Variants in LAX1 observed in about 807,000 individuals in gnomAD.
The protein encoded by LAX1 is lymphocyte transmembrane adaptor 1.
Under a neutral mutation model 20.7 loss-of-function variants are expected in LAX1, and 17 were observed. The observed-to-expected ratio is 0.82, with a 90% CI of 0.56 to 1.23. The LOEUF (loss-of-function observed/expected upper bound fraction) is 1.23. LAX1 is among the 50% of genes most tolerant of loss of function. The pLI, the probability that LAX1 is intolerant of heterozygous loss-of-function variation, is 0.00. For missense variants in LAX1, 470 were observed against 487.0 expected (o/e 0.97, Z 0.33); for synonymous variants, 165 against 181.0 (o/e 0.91, Z 0.71).
In LAX1 at chr1:203,772,198, C is replaced by T. The variant is rs3737974; in HGVS notation, c.390+51C>T. On this transcript the variant is annotated intron_variant, in intron 4 of 4. Coordinates refer to ENST00000442561, the MANE Select transcript of LAX1 (RefSeq NM_017773.4). ...TGACATGTCTCTGGCAGAAGAACTG[C>T]GGGGAAAGAGTTATAGGGCTTAGAT... is the stretch of plus-strand genomic sequence containing the variant. The T allele has an allele frequency of 5.2e-4, 723 of 1,398,030 alleles. 7 individuals carry two copies. In the East Asian group the frequency reaches 0.012, roughly 23 times the overall value. 86.6% of individuals were successfully genotyped at this position (1,398,030 alleles called of 1,614,324 possible).
Position 203,774,000 on chromosome 1 carries a change from C to T in LAX1, c.516C>T (p.His172=). 1.9e-6 allele frequency: 3 copies of T among 1,614,098 alleles called. No homozygotes were observed. The highest frequency in any genetic ancestry group is 2.5e-6 in the Non-Finnish European group (3 of 1,180,022). The change falls in exon 5 of 5, where the codon CAC becomes CAT. Residue 172 remains histidine (H), a synonymous_variant. Transcript: ENST00000442561. ...QMCGNLTPSA[H]CINVRASRDC... ...GTGGGAACCTCACTCCCTCGGCACA[C>T]TGCATCAATGTCAGAGCTTCCAGAG...
chr1:203,774,828 C>T lies in LAX1; in HGVS notation c.*147C>T, dbSNP rs1667485415. ...AAAAGAGGCTGAGATGAGCAGTGAA[C>T]TAAGAGGCCACACAAAAGCAGAGGT... On this transcript the variant is annotated 3_prime_UTR_variant, in exon 5 of 5. Coordinates refer to ENST00000442561, the MANE Select transcript of LAX1 (RefSeq NM_017773.4). The T allele has an allele frequency of 1.7e-5, 11 of 657,474 alleles. No individual in the cohort carries two copies. In the South Asian group the frequency reaches 2.2e-4, roughly 13 times the overall value. 40.7% of individuals were successfully genotyped at this position (657,474 alleles called of 1,614,324 possible).
At chr1:203,772,017 G>A (rs1667430228) in intron 3 of LAX1, 51 bp from the exon 4 acceptor site, 1 of 1,411,702 alleles carries the variant, frequency 7.1e-7, no homozygotes, top group Non-Finnish European at 1.0e-6. Flanking sequence ...TATTTGGACT[G>A]AAGCACTCAG....
At chr1:203,769,695 A>G (rs1385458711) in intron 1 of LAX1, 1 of 147,172 alleles carries the variant, frequency 6.8e-6, no homozygotes, top group Admixed American at 7.1e-5. Context: ...GGGAATTGCA[A>G]GGTAGCACAG....
Position 203,775,167 on chromosome 1 carries a change from A to C in LAX1, c.*486A>C, listed in dbSNP as rs149045342. 1 of 158,574 alleles carries C rather than the reference A, an allele frequency of 6.3e-6. No homozygotes were observed. The highest frequency in any genetic ancestry group is 2.4e-5 in the African/African-American group (1 of 41,576). 9.8% of individuals were successfully genotyped at this position (158,574 alleles called of 1,614,324 possible). ...GTAATCCCAGCATTTTGGTAGGCCG[A>C]GGAGGGCAGATCACTTGGTGCCAGG... On this transcript the variant is annotated 3_prime_UTR_variant, in exon 5 of 5. Transcript: ENST00000442561.
intron 4 of LAX1, among the ~76,000 whole-genome samples, chr1:203,772,939 G>A (rs1354009166): frequency 6.6e-6 from 1 of 152,168 alleles, no homozygotes; most frequent in Non-Finnish European, 1.5e-5. Flanking sequence ...GCCTCCCAAA[G>A]TGCTGAGATT....
chr1:203,770,509 G>GAA (rs1667397905), intron 1 of LAX1, among the ~76,000 whole-genome samples: 1 of 83,536 alleles, frequency 1.2e-5, no homozygotes, highest in African/African-American at 4.6e-5. Context: ...AAGGAAGGAA[G>GAA]GAAGAAAGAA....
At chr1:203,772,275 C>CAATT in intron 4 of LAX1, 128 bp downstream of exon 4, 1 of 704,570 alleles carries the variant, frequency 1.4e-6, no homozygotes, top group South Asian at 1.7e-5. Context: ...CCCTGCAGTC[C>CAATT]TATTAATAAA....
Position 203,774,098 on chromosome 1 carries a change from C to T in LAX1, c.614C>T (p.Thr205Ile). Residue 205 changes from threonine to isoleucine, a missense_variant, in exon 5 of 5, where the codon ACT becomes ATT. Physicochemically the swap from Thr to Ile is moderately conservative, Grantham distance 89. Transcript: ENST00000442561. ...NVPTAEEIAETLASTKSPSRN... is the reference protein window; with the variant it reads ...NVPTAEEIAEILASTKSPSRN... ...CCCACAGCAGAAGAGATTGCTGAGA[C>T]TCTAGCTTCTACCAAAAGCCCTTCC... 1 of 1,614,156 alleles carries T rather than the reference C, an allele frequency of 6.2e-7. No individual in the cohort carries two copies. Among genetic ancestry groups the T allele is most frequent in the African/African-American group, 1.3e-5 (1 of 75,032 alleles).
chr1:203,772,541 C>T (rs1667439285), intron 4 of LAX1, among the ~76,000 whole-genome samples: 2 of 152,102 alleles, frequency 1.3e-5, no homozygotes, highest in South Asian at 2.1e-4. Context: ...AGTTCACCTG[C>T]CTCAGCCTCC....
chr1:203,771,595 G>C, intron 3 of LAX1, 118 bp downstream of exon 3: 2 of 728,406 alleles, frequency 2.7e-6, no homozygotes, highest in Non-Finnish European at 5.0e-6. Context: ...GCCCTTCAGA[G>C]AGTATCAGGG....
chr1:203,774,137 T>A lies in LAX1; in HGVS notation c.653T>A (p.Val218Asp). 6.2e-7 allele frequency: 1 copy of A among 1,614,210 alleles called. No homozygotes were observed. Among genetic ancestry groups the A allele is most frequent in the Non-Finnish European group, 8.5e-7 (1 of 1,180,042 alleles). ...STKSPSRNLF[V>D]LPSTQKLEFT... is the part of the protein sequence containing the mutation. Reference sequence around the variant, plus strand: ...AAAAGCCCTTCCAGAAATCTCTTTGTTCTTCCCAGTACCCAGAAGCTGGAG... The same window carrying A: ...AAAAGCCCTTCCAGAAATCTCTTTGATCTTCCCAGTACCCAGAAGCTGGAG... The change falls in exon 5 of 5, where the codon GTT becomes GAT. Residue 218 changes from valine (V) to aspartate (D), a missense_variant. Val to Asp is a radical substitution (Grantham distance 152, BLOSUM62 -3). Transcript: ENST00000442561.
At chr1:203,770,062 CT>C (rs1411174690) in intron 1 of LAX1, among the ~76,000 whole-genome samples, 1 of 152,024 alleles carries the variant, frequency 6.6e-6, no homozygotes, top group Non-Finnish European at 1.5e-5. Context: ...GTTACTTTAC[CT>C]TTCTGAGTCT....
In LAX1 at chr1:203,765,194, G is replaced by T; in HGVS notation, c.-372G>T. ...GGTTTGCTCTTTTCACTCTGCTTTG[G>T]GTGTTGAAGGAAGACGAGCTTCTCA... On this transcript the variant is annotated 5_prime_UTR_variant, in exon 1 of 5. Coordinates refer to ENST00000442561, the MANE Select transcript of LAX1 (RefSeq NM_017773.4). The T allele has an allele frequency of 1.5e-6, 1 of 673,702 alleles. No homozygotes were observed. The highest frequency in any genetic ancestry group is 2.6e-6 in the Non-Finnish European group (1 of 388,938). 41.7% of individuals were successfully genotyped at this position (673,702 alleles called of 1,614,324 possible). A position where few individuals can be genotyped will look rare whatever the true frequency, so the allele number is the denominator to read the frequency against.
intron 1 of LAX1, among the ~76,000 whole-genome samples, chr1:203,766,656 A>G (rs1667307988): frequency 6.6e-6 from 1 of 152,184 alleles, no homozygotes; most frequent in East Asian, 1.9e-4. Flanking sequence ...TCAAAATTAT[A>G]TATATTTATC....
In LAX1 at chr1:203,769,405, GAAA is replaced by G. The variant is rs1306898915; in HGVS notation, c.90-1422_90-1420del. On this transcript the variant is annotated intron_variant, in intron 1 of 4. Transcript: ENST00000442561. Reference sequence around the variant, plus strand: ...AGACTCTGTCTCAAAAAAAAAGAAAGAAAGAAAGAAAGAAAGAAAGAAAGAAAG... The same window carrying G: ...AGACTCTGTCTCAAAAAAAAAGAAAGGAAAGAAAGAAAGAAAGAAAGAAAG... Among the ~76,000 whole-genome samples, 268 of 70,508 alleles carry G rather than the reference GAAA, an allele frequency of 3.8e-3. 1 individual carries two copies. Among genetic ancestry groups the G allele is most frequent in the African/African-American group, 0.011 (259 of 23,348 alleles). 46.3% of individuals were successfully genotyped at this position (70,508 alleles called of 152,430 possible). A position where few individuals can be genotyped will look rare whatever the true frequency, so the allele number is the denominator to read the frequency against.
chr1:203,769,234 C>CA (rs922178383), intron 1 of LAX1, among the ~76,000 whole-genome samples: 16 of 150,826 alleles, frequency 1.1e-4, no homozygotes, highest in African/African-American at 1.5e-4. Context: ...AATAAAAATA[C>CA]AAAAAAAATT....
chr1:203,769,397 A>AAAAGAAAGAAAG lies in LAX1; in HGVS notation c.90-1396_90-1385dup, dbSNP rs1200921518. Reference sequence around the variant, plus strand: ...ACACAGCGAGACTCTGTCTCAAAAAAAAAGAAAGAAAGAAAGAAAGAAAGA... The same window carrying AAAAGAAAGAAAG: ...ACACAGCGAGACTCTGTCTCAAAAAAAAAGAAAGAAAGAAAGAAAGAAAGAAAGAAAGAAAGA... On this transcript the variant is annotated intron_variant, in intron 1 of 4. Coordinates refer to ENST00000442561, the MANE Select transcript of LAX1 (RefSeq NM_017773.4). Among the ~76,000 whole-genome samples the AAAAGAAAGAAAG allele has an allele frequency of 4.3e-3, 328 of 76,754 alleles. 4 individuals carry two copies. Among genetic ancestry groups the AAAAGAAAGAAAG allele is most frequent in the African/African-American group, 0.017 (314 of 18,474 alleles). 50.4% of individuals were successfully genotyped at this position (76,754 alleles called of 152,430 possible).
At position 203,774,757 on chromosome 1, in the gene LAX1, G is replaced by C. The variant is rs1667484762; in HGVS notation, c.*76G>C. The C allele has an allele frequency of 2.0e-5, 25 of 1,224,288 alleles. No homozygotes were observed. The highest frequency in any genetic ancestry group is 4.5e-5 in the Admixed American group (2 of 44,168). 75.8% of individuals were successfully genotyped at this position (1,224,288 alleles called of 1,614,324 possible). On this transcript the variant is annotated 3_prime_UTR_variant, in exon 5 of 5. Coordinates refer to ENST00000442561, the MANE Select transcript of LAX1 (RefSeq NM_017773.4). ...ATTGACTACTGCAGAGTCTAGTGCA[G>C]ACCCGTGATCACCTTAGTGCTTCAG...
Sources: allele counts gnomAD v4.1 joint callset (sites outside exome capture counted in the v4.1 genomes callset), GRCh38; gene constraint gnomAD v4.1.1; transcripts MANE v1.5; gene names NCBI Gene and HGNC (gene_info 2026-07-23, HGNC 2026-07-21).